The following SCHIP1 variants were observed in gnomAD, a reference collection of about 807,000 sequenced individuals.
SCHIP1 encodes schwannomin interacting protein 1, also known as schwannomin-interacting protein 1.
SCHIP1 carries 8 observed loss-of-function variants against 29.7 expected under a neutral mutation model. The observed-to-expected ratio is 0.27, with a 90% confidence interval of 0.16 to 0.49. The LOEUF (loss-of-function observed/expected upper bound fraction) is 0.49, where lower values mean the gene tolerates loss of function less well. Among genes scored for constraint, SCHIP1 ranks in the 20% least tolerant of loss-of-function variants. SCHIP1 has a pLI of 0.99. For synonymous variants in SCHIP1, 76 were observed against 94.9 expected, an observed-to-expected ratio of 0.80 and a Z score of 1.16; for missense variants, 193 against 294.6, an observed-to-expected ratio of 0.66 and a Z score of 2.52.
chr3:159,890,059 C>T (rs987098864), intron 5 of SCHIP1, among the ~76,000 whole-genome samples: 10 of 150,728 alleles, frequency 6.6e-5, no homozygotes, highest in Admixed American at 2.0e-4. Flanking sequence ...CTCGCCACTG[C>T]ACTCCAGCCT....
chr3:159,513,129 A>G, the SCHIP1 span, among the ~76,000 whole-genome samples: 1 of 152,226 alleles, frequency 6.6e-6, no homozygotes, highest in Non-Finnish European at 1.5e-5. Flanking sequence ...GCTATTTAGA[A>G]GTACTTACAT....
At chr3:159,471,428 T>G in the SCHIP1 span, among the ~76,000 whole-genome samples, 1 of 152,104 alleles carries the variant, frequency 6.6e-6, no homozygotes, top group Non-Finnish European at 1.5e-5. Flanking sequence ...TCCATTTAGA[T>G]TTATAACTCA....
the SCHIP1 span, among the ~76,000 whole-genome samples, chr3:159,680,661 A>ATATATGTATATATAT: frequency 5.3e-5 from 1 of 18,770 alleles, no homozygotes; most frequent in African/African-American, 1.6e-4. Flanking sequence ...TGTATATATA[A>ATATATGTATATATAT]AATATATATT....
the SCHIP1 span, among the ~76,000 whole-genome samples, chr3:159,441,219 T>C: frequency 1.3e-5 from 2 of 152,178 alleles, no homozygotes; most frequent in Non-Finnish European, 2.9e-5. Context: ...GCGCTTTTCA[T>C]TACTCTTAGG....
At chr3:159,716,793 G>C in the SCHIP1 span, among the ~76,000 whole-genome samples, 1 of 152,134 alleles carries the variant, frequency 6.6e-6, no homozygotes. Context: ...AATAACGGGA[G>C]ACTTTAACAC....
chr3:159,528,764 A>C, the SCHIP1 span, among the ~76,000 whole-genome samples: 1 of 152,258 alleles, frequency 6.6e-6, no homozygotes, highest in South Asian at 2.1e-4. Context: ...GGATCACTGC[A>C]GAAAAACATC....
At chr3:159,421,561 A>G in the SCHIP1 span, among the ~76,000 whole-genome samples, 1 of 152,248 alleles carries the variant, frequency 6.6e-6, no homozygotes, top group Admixed American at 6.5e-5. Flanking sequence ...ACATGTGTGT[A>G]GCAATGTTTC....
the SCHIP1 span, among the ~76,000 whole-genome samples, chr3:159,446,468 TGCAATACA>T: frequency 5.0e-4 from 76 of 152,178 alleles, no homozygotes; most frequent in East Asian, 0.013. Context: ...ACAGTATTGT[TGCAATACA>T]GCAATACAGT....
the SCHIP1 span, among the ~76,000 whole-genome samples, chr3:159,538,090 C>T: frequency 2.6e-5 from 4 of 152,176 alleles, no homozygotes; most frequent in East Asian, 3.9e-4. Context: ...ACATCACTTA[C>T]GTGTAATTAT....
At chr3:159,521,795 T>C in the SCHIP1 span, among the ~76,000 whole-genome samples, 1 of 152,254 alleles carries the variant, frequency 6.6e-6, no homozygotes, top group South Asian at 2.1e-4. Context: ...TATTTTACCA[T>C]AATATGTTTA....
chr3:159,345,181 C>T, the SCHIP1 span, among the ~76,000 whole-genome samples: 2 of 142,036 alleles, frequency 1.4e-5, no homozygotes, highest in East Asian at 2.1e-4. Context: ...GAGCCAAGAT[C>T]GTGACACTGC....
chr3:159,413,899 T>C, the SCHIP1 span, among the ~76,000 whole-genome samples: 2 of 152,198 alleles, frequency 1.3e-5, no homozygotes, highest in African/African-American at 4.8e-5. Context: ...AATCAAAAGT[T>C]TAAACACATA....
chr3:159,451,099 G>A, the SCHIP1 span, among the ~76,000 whole-genome samples: 14 of 152,108 alleles, frequency 9.2e-5, no homozygotes, highest in East Asian at 1.9e-3. Flanking sequence ...GAGCCACTGC[G>A]CCCGGCCCAC....
At chr3:159,534,407 T>C in the SCHIP1 span, among the ~76,000 whole-genome samples, 2 of 152,146 alleles carry the variant, frequency 1.3e-5, no homozygotes, top group Non-Finnish European at 2.9e-5. Context: ...CTCAATAAAA[T>C]AGAGTTTTGA....
chr3:159,298,964 CCT>C, the SCHIP1 span, among the ~76,000 whole-genome samples: 9 of 152,260 alleles, frequency 5.9e-5, no homozygotes, highest in South Asian at 1.9e-3. Context: ...TAAAGCCTCT[CCT>C]CTCTGTACCT....
At chr3:159,461,876 C>T in the SCHIP1 span, among the ~76,000 whole-genome samples, 1 of 152,080 alleles carries the variant, frequency 6.6e-6, no homozygotes, top group East Asian at 1.9e-4. Context: ...ATGATCATTA[C>T]AGAAAACTTA....
chr3:159,525,611 G>T, the SCHIP1 span, among the ~76,000 whole-genome samples: 2 of 152,218 alleles, frequency 1.3e-5, no homozygotes, highest in African/African-American at 2.4e-5. Context: ...TTCTTAATGT[G>T]CTAAGGGTGC....
the SCHIP1 span, among the ~76,000 whole-genome samples, chr3:159,632,495 C>G: frequency 6.6e-6 from 1 of 152,202 alleles, no homozygotes; most frequent in African/African-American, 2.4e-5. Flanking sequence ...GGCACCAAGG[C>G]TTTTCCCATT....
chr3:159,603,789 A>C, the SCHIP1 span, among the ~76,000 whole-genome samples: 1 of 152,144 alleles, frequency 6.6e-6, no homozygotes, highest in Non-Finnish European at 1.5e-5. Flanking sequence ...ATTTTTTACC[A>C]TTCTTAAGAC....
Sources: allele counts gnomAD v4.1 joint callset (sites outside exome capture counted in the v4.1 genomes callset), GRCh38; gene constraint gnomAD v4.1.1; transcripts MANE v1.5; gene names NCBI Gene and HGNC (gene_info 2026-07-23, HGNC 2026-07-21).